ROR2: variants seen among roughly 807,000 people sequenced by gnomAD.
ROR2 encodes the protein ROR family WNT receptor 2.
In ROR2, 33 loss-of-function variants were observed where a neutral mutation model predicts 74.9. That is an observed-to-expected ratio of 0.44 (90% CI 0.33 to 0.59). The LOEUF (loss-of-function observed/expected upper bound fraction) is 0.59. ROR2 is among the 20% of genes least tolerant of loss of function. The probability of loss-of-function intolerance (pLI) is 0.02; values close to 1 mark genes in which losing one functional copy is unlikely to be tolerated. For missense variants in ROR2, 1,216 were observed against 1,313.8 expected, an observed-to-expected ratio of 0.93 and a Z score of 1.15; for synonymous variants, 586 against 558.7, an observed-to-expected ratio of 1.05 and a Z score of -0.69.
intron 1 of ROR2, among the ~76,000 whole-genome samples, chr9:91,822,900 T>TCTGACAGCAAACA (rs1828176516): frequency 6.6e-6 from 1 of 152,010 alleles, no homozygotes; most frequent in Non-Finnish European, 1.5e-5. Flanking sequence ...AGACATCCAG[T>TCTGACAGCAAACA]CTGACAGCAA....
At chr9:91,897,050 C>G (rs959032108) in intron 1 of ROR2, among the ~76,000 whole-genome samples, 1 of 152,234 alleles carries the variant, frequency 6.6e-6, no homozygotes, top group Non-Finnish European at 1.5e-5. Flanking sequence ...CTTCCGTGTT[C>G]GGTGCAATGC....
chr9:91,806,598 T>C (rs1285649265), intron 1 of ROR2, among the ~76,000 whole-genome samples: 1 of 152,078 alleles, frequency 6.6e-6, no homozygotes, highest in Non-Finnish European at 1.5e-5. Context: ...TTTTGTTTGT[T>C]TGTTTGTTTG....
At chr9:91,736,571 T>C (rs1490570966) in intron 5 of ROR2, among the ~76,000 whole-genome samples, 1 of 152,230 alleles carries the variant, frequency 6.6e-6, no homozygotes, top group Non-Finnish European at 1.5e-5. Flanking sequence ...TGTGTCTTGC[T>C]CCTTATGGGA....
intron 1 of ROR2, among the ~76,000 whole-genome samples, chr9:91,881,961 A>G (rs1830123114): frequency 6.6e-6 from 1 of 152,216 alleles, no homozygotes; most frequent in African/African-American, 2.4e-5. Flanking sequence ...TCGGGCATCT[A>G]TCTAGCTGGG....
intron 1 of ROR2, among the ~76,000 whole-genome samples, chr9:91,891,139 C>T (rs1830408570): frequency 6.6e-6 from 1 of 152,190 alleles, no homozygotes; most frequent in East Asian, 1.9e-4. Context: ...CTTTTCTAAA[C>T]ACCAACTATG....
At chr9:91,892,462 G>A (rs1830443625) in intron 1 of ROR2, among the ~76,000 whole-genome samples, 1 of 151,862 alleles carries the variant, frequency 6.6e-6, no homozygotes, top group Non-Finnish European at 1.5e-5. Context: ...CTATCTCAAT[G>A]GGTTCTTGAG....
rs768160554 is a variant in ROR2 at position 91,757,556 on chromosome 9, T to G, written c.179A>C (p.Tyr60Ser). The G allele has an allele frequency of 1.2e-5, 19 of 1,613,166 alleles. No individual in the cohort carries two copies. Among genetic ancestry groups the G allele is most frequent in the Non-Finnish European group, 9.3e-6 (11 of 1,179,804 alleles). The change falls in exon 3 of 9, where the codon TAC becomes TCC. Residue 60 changes from tyrosine to serine, a missense_variant. Coordinates refer to ENST00000375708, the MANE Select transcript of ROR2 (RefSeq NM_004560.4). Reference sequence around the variant, plus strand: ...TACTGGCTCCAGAAAATTCAGAAAGTAACCTGCCAAGGAGAGCGGTCACAA... The same window carrying G: ...TACTGGCTCCAGAAAATTCAGAAAGGAACCTGCCAAGGAGAGCGGTCACAA... ...QDGPIPTLKGYFLNFLEPVNN... is the reference protein window; with the variant it reads ...QDGPIPTLKGSFLNFLEPVNN...
intron 1 of ROR2, among the ~76,000 whole-genome samples, chr9:91,835,445 C>G (rs1828583556): frequency 6.6e-6 from 1 of 152,124 alleles, no homozygotes; most frequent in Non-Finnish European, 1.5e-5. Context: ...ACTGGAAAAG[C>G]AGAAGGAGCA....
At chr9:91,813,968 C>T (rs1204511462) in intron 1 of ROR2, among the ~76,000 whole-genome samples, 1 of 152,202 alleles carries the variant, frequency 6.6e-6, no homozygotes, top group African/African-American at 2.4e-5. Context: ...TAATCCTGAG[C>T]TGTACTGCAT....
chr9:91,772,166 G>A (rs1473749463), intron 2 of ROR2, among the ~76,000 whole-genome samples: 1 of 152,200 alleles, frequency 6.6e-6, no homozygotes, highest in East Asian at 1.9e-4. Context: ...GAACTCAAAA[G>A]GAAGTAAAAT....
chr9:91,853,143 T>C (rs970723870), intron 1 of ROR2, among the ~76,000 whole-genome samples: 4 of 152,190 alleles, frequency 2.6e-5, no homozygotes, highest in African/African-American at 9.6e-5. Flanking sequence ...GTCTGATCTA[T>C]GCCTGGGGTT....
intron 1 of ROR2, among the ~76,000 whole-genome samples, chr9:91,819,517 G>A (rs534369596): frequency 6.6e-6 from 1 of 151,380 alleles, no homozygotes; most frequent in African/African-American, 2.4e-5. Flanking sequence ...CGTGTGTTCT[G>A]TGTCTGTCTT....
At chr9:91,730,089 T>G (rs949713380) in intron 7 of ROR2, among the ~76,000 whole-genome samples, 1 of 152,136 alleles carries the variant, frequency 6.6e-6, no homozygotes, top group Admixed American at 6.5e-5. Context: ...CCCAAGTAGG[T>G]GTGCCACCAC....
intron 1 of ROR2, among the ~76,000 whole-genome samples, chr9:91,863,789 T>C (rs1829546952): frequency 6.6e-6 from 1 of 152,060 alleles, no homozygotes; most frequent in Admixed American, 6.6e-5. Flanking sequence ...ATGGGCATGG[T>C]TTTCAGGTGA....
Position 91,733,328 on chromosome 9 carries a change from C to G in ROR2, c.731G>C (p.Arg244Pro), listed in dbSNP as rs55737262. The G allele has an allele frequency of 2.7e-5, 43 of 1,612,154 alleles. No homozygotes were observed. Among genetic ancestry groups the G allele is most frequent in the Admixed American group, 6.7e-5 (4 of 59,944 alleles). Residue 244 changes from arginine to proline, a missense_variant, in exon 6 of 9, where the codon CGG becomes CCG. Transcript: ENST00000375708. The surrounding 1 kb of genome is among the most constrained non-coding windows in gnomAD (Gnocchi z 5.7). ...FVFPLCDARS[R>P]TPKPRELCRD... ...GCACAGCTCACGCGGCTTGGGTGTC[C>G]GGGAGCGCGCGTCGCACAGAGGAAA... is the stretch of plus-strand genomic sequence containing the variant.
intron 1 of ROR2, among the ~76,000 whole-genome samples, chr9:91,847,790 G>A (rs1828974592): frequency 6.6e-6 from 1 of 151,968 alleles, no homozygotes; most frequent in Non-Finnish European, 1.5e-5. Flanking sequence ...CTGCCACCAA[G>A]AATCACACTC....
At chr9:91,747,058 G>C (rs1825445164) in intron 4 of ROR2, among the ~76,000 whole-genome samples, 1 of 152,096 alleles carries the variant, frequency 6.6e-6, no homozygotes, top group African/African-American at 2.4e-5. Context: ...TCATCTAAAT[G>C]TGCCACGTTT....
intron 1 of ROR2, among the ~76,000 whole-genome samples, chr9:91,865,540 G>T (rs1418958825): frequency 1.3e-5 from 2 of 152,202 alleles, no homozygotes; most frequent in Non-Finnish European, 2.9e-5. Flanking sequence ...ATCAAAAGCA[G>T]TTAGGTAAAT....
At chr9:91,894,520 C>G (rs1002757466) in intron 1 of ROR2, among the ~76,000 whole-genome samples, 1 of 152,194 alleles carries the variant, frequency 6.6e-6, no homozygotes, top group African/African-American at 2.4e-5. Context: ...TGAGCAGGCA[C>G]ATTCGAGGTA....
Sources: allele counts gnomAD v4.1 joint callset (sites outside exome capture counted in the v4.1 genomes callset), GRCh38; gene constraint gnomAD v4.1.1; non-coding constraint Gnocchi (gnomAD v3.1); transcripts MANE v1.5; gene names NCBI Gene and HGNC (gene_info 2026-07-23, HGNC 2026-07-21).